Variants in CHST9 observed in about 807,000 individuals in gnomAD.
CHST9 encodes the protein GalNAc-4-sulfotransferase 2.
CHST9 carries 41 observed loss-of-function variants against 44.4 expected under a neutral mutation model. That is an observed-to-expected ratio of 0.92 (90% confidence interval 0.72 to 1.20). The LOEUF is 1.20. Among genes scored for constraint, CHST9 ranks in the 50% most tolerant of loss-of-function variants. The pLI is 0.00. For missense variants in CHST9, 504 were observed against 516.5 expected, an observed-to-expected ratio of 0.98 and a Z score of 0.23; for synonymous variants, 171 against 178.4, an observed-to-expected ratio of 0.96 and a Z score of 0.33.
intron 2 of CHST9, among the ~76,000 whole-genome samples, chr18:27,119,657 T>G (rs940536516): frequency 1.6e-4 from 24 of 151,252 alleles, no homozygotes; most frequent in Non-Finnish European, 3.2e-4. Flanking sequence ...TTTTGGGTTT[T>G]TTTTTTTTTT....
At chr18:27,144,634 A>T (rs2058596991) in intron 1 of CHST9, among the ~76,000 whole-genome samples, 1 of 152,182 alleles carries the variant, frequency 6.6e-6, no homozygotes, top group Admixed American at 6.5e-5. Flanking sequence ...GGCTGCAGTG[A>T]GCCATGATCA....
intron 4 of CHST9, among the ~76,000 whole-genome samples, chr18:26,963,013 C>G (rs1380734258): frequency 6.6e-6 from 1 of 152,146 alleles, no homozygotes; most frequent in African/African-American, 2.4e-5. Flanking sequence ...ACACCCATTA[C>G]TTCGATGAGA....
chr18:26,953,669 C>G (rs946267388), intron 4 of CHST9, among the ~76,000 whole-genome samples: 1 of 152,122 alleles, frequency 6.6e-6, no homozygotes, highest in Non-Finnish European at 1.5e-5. Flanking sequence ...GGAGTTGTAC[C>G]TGACTTTATT....
At chr18:27,021,338 C>A (rs2057223694) in intron 4 of CHST9, among the ~76,000 whole-genome samples, 1 of 152,126 alleles carries the variant, frequency 6.6e-6, no homozygotes, top group African/African-American at 2.4e-5. Flanking sequence ...TTGACAACAA[C>A]AAGTCACAGG....
intron 2 of CHST9, among the ~76,000 whole-genome samples, chr18:27,063,991 T>C (rs909687186): frequency 1.3e-5 from 2 of 152,164 alleles, no homozygotes; most frequent in Non-Finnish European, 2.9e-5. Context: ...AATCCAATTA[T>C]ATTTCCAGGG....
intron 2 of CHST9, among the ~76,000 whole-genome samples, chr18:27,052,240 A>G (rs2057575098): frequency 1.3e-5 from 2 of 151,842 alleles, no homozygotes; most frequent in African/African-American, 4.8e-5. Context: ...ATGTGTGTAT[A>G]TATAGGTGTG....
At chr18:27,065,362 T>C (rs2057769917) in intron 2 of CHST9, among the ~76,000 whole-genome samples, 1 of 152,114 alleles carries the variant, frequency 6.6e-6, no homozygotes. Context: ...AGAAGGAAAG[T>C]TTGCTATCAA....
At chr18:26,926,984 T>C (rs2055779620) in intron 5 of CHST9, among the ~76,000 whole-genome samples, 1 of 152,214 alleles carries the variant, frequency 6.6e-6, no homozygotes, top group South Asian at 2.1e-4. Flanking sequence ...GTGTATTTAG[T>C]TGTCTGAAAT....
rs568629370 is a variant in CHST9 at position 27,014,432 on chromosome 18, C to T, written c.202+9684G>A. On this transcript the variant is annotated intron_variant, in intron 4 of 5. Transcript: ENST00000618847. ...TCCCGCCACTGCACTCCAGCCTGGGCGACAGAGCGAGACTCTGTCTCAAAA... is the reference window on the plus strand; with the variant it reads ...TCCCGCCACTGCACTCCAGCCTGGGTGACAGAGCGAGACTCTGTCTCAAAA... Among the ~76,000 whole-genome samples, 683 of 114,324 alleles carry T rather than the reference C, an allele frequency of 6.0e-3. 4 individuals are homozygous for T. Among genetic ancestry groups the T allele is most frequent in the African/African-American group, 0.022 (656 of 29,298 alleles). The allele number at this position is 114,324 out of a possible 152,430, so 75.0% of individuals were successfully genotyped here.
chr18:27,101,853 C>T (rs541610716), intron 2 of CHST9, among the ~76,000 whole-genome samples: 1 of 152,274 alleles, frequency 6.6e-6, no homozygotes, highest in South Asian at 2.1e-4. Flanking sequence ...ATCAAAATCG[C>T]TCCAAATTTC....
chr18:27,145,151 C>A (rs1345938254), intron 1 of CHST9, among the ~76,000 whole-genome samples: 3 of 151,962 alleles, frequency 2.0e-5, no homozygotes, highest in South Asian at 4.1e-4. Flanking sequence ...AGAAAAATAT[C>A]ATGTCATGAA....
chr18:27,117,502 A>C (rs2058337394), intron 2 of CHST9, among the ~76,000 whole-genome samples: 1 of 152,158 alleles, frequency 6.6e-6, no homozygotes, highest in African/African-American at 2.4e-5. Flanking sequence ...AGTATCTTAC[A>C]TAGTAGTTTC....
intron 5 of CHST9, among the ~76,000 whole-genome samples, chr18:26,922,380 T>C (rs1018798107): frequency 3.3e-5 from 5 of 152,212 alleles, no homozygotes; most frequent in Non-Finnish European, 7.3e-5. Context: ...GTGAGGAAAG[T>C]AATTTTATTC....
At chr18:27,064,722 T>TCC (rs3084281) in intron 2 of CHST9, among the ~76,000 whole-genome samples, 46,134 of 151,890 alleles carry the variant, frequency 0.3, 8,724 homozygotes, top group African/African-American at 0.53. Context: ...CTCTGGCTAG[T>TCC]CCAGAGACTT....
At position 26,916,269 on chromosome 18, in the gene CHST9, G is replaced by A. The variant is rs772845513; in HGVS notation, c.1322C>T (p.Pro441Leu). The change falls in exon 6 of 6, where the codon CCA (proline) becomes CTA (leucine). Residue 441 changes from proline (P) to leucine (L), a missense_variant. Pro to Leu is a moderately conservative substitution (Grantham distance 98). Transcript: ENST00000618847. Reference sequence around the variant, plus strand: ...GAAAATGAATGCAAACTACAAAAATGGAGTTGTATAATTAAACATTAAATA... The same window carrying A: ...GAAAATGAATGCAAACTACAAAAATAGAGTTGTATAATTAAACATTAAATA... ...LDYLMFNYTTPFL is the reference protein window; with the variant it reads ...LDYLMFNYTTLFL 5.8e-6 allele frequency: 9 copies of A among 1,552,898 alleles called. No individual in the cohort carries two copies. Among genetic ancestry groups the A allele is most frequent in the Middle Eastern group, 1.8e-4 (1 of 5,558 alleles).
intron 5 of CHST9, among the ~76,000 whole-genome samples, chr18:26,924,133 C>T (rs2055717676): frequency 6.6e-6 from 1 of 152,018 alleles, no homozygotes; most frequent in Admixed American, 6.6e-5. Flanking sequence ...GGGAGGTGTG[C>T]CTGGGGGCAG....
intron 2 of CHST9, among the ~76,000 whole-genome samples, chr18:27,111,654 T>C (rs2058271763): frequency 6.6e-6 from 1 of 152,318 alleles, no homozygotes; most frequent in Non-Finnish European, 1.5e-5. Flanking sequence ...AGTTTATGTG[T>C]CAACTTGACC....
intron 2 of CHST9, among the ~76,000 whole-genome samples, chr18:27,092,756 T>C (rs2058081416): frequency 6.6e-6 from 1 of 152,242 alleles, no homozygotes; most frequent in African/African-American, 2.4e-5. Flanking sequence ...TTGAGCAGTT[T>C]TGAGTGAGTC....
intron 2 of CHST9, among the ~76,000 whole-genome samples, chr18:27,136,067 C>T (rs1429858665): frequency 1.3e-5 from 2 of 152,190 alleles, no homozygotes; most frequent in African/African-American, 4.8e-5. Context: ...TCTAGTAAAT[C>T]AGTAACTCTG....
Sources: gnomAD v4.1 joint callset for allele counts (sites outside exome capture counted in the v4.1 genomes callset) on GRCh38, gnomAD v4.1.1 for gene constraint, MANE v1.5 for transcripts, NCBI Gene and HGNC (gene_info 2026-07-23, HGNC 2026-07-21) for gene names.